GULP1: variants seen among roughly 807,000 people sequenced by gnomAD.
GULP1 encodes PTB domain-containing engulfment adapter protein 1.
A neutral mutation model predicts 40.9 loss-of-function variants in GULP1; 19 were observed. The observed-to-expected ratio is 0.46, with a 90% CI of 0.32 to 0.68. The LOEUF (loss-of-function observed/expected upper bound fraction) is 0.68. Among genes scored for constraint, GULP1 ranks in the 30% least tolerant of loss-of-function variants. The pLI, the probability that GULP1 is intolerant of heterozygous loss-of-function variation, is 0.03. For missense variants in GULP1, 312 were observed against 362.2 expected (o/e 0.86, Z 1.12); for synonymous variants, 119 against 117.6 (o/e 1.01, Z -0.08).
chr2:188,312,538 A>G (rs1330903367), intron 1 of GULP1, among the ~76,000 whole-genome samples: 3 of 152,166 alleles, frequency 2.0e-5, no homozygotes, highest in Admixed American at 2.0e-4. Flanking sequence ...TTCTTTATCC[A>G]GTCTATCATT....
rs146739215 is a variant in GULP1 at position 188,532,719 on chromosome 2, C to T, written c.261+3524C>T. On this transcript the variant is annotated intron_variant, in intron 6 of 11. Transcript: ENST00000409830. Reference sequence around the variant, plus strand: ...AATCATGAGGTCAGCAGTTTGAGACCAGCCTGGCCAACATGATGAAACCCT... The same window carrying T: ...AATCATGAGGTCAGCAGTTTGAGACTAGCCTGGCCAACATGATGAAACCCT... Among the ~76,000 whole-genome samples, 599 of 147,870 alleles carry T rather than the reference C, an allele frequency of 4.1e-3. 5 individuals are homozygous for T. Among genetic ancestry groups the T allele is most frequent in the African/African-American group, 0.014 (565 of 40,086 alleles).
chr2:188,498,018 C>G (rs2063068627), intron 4 of GULP1, among the ~76,000 whole-genome samples: 1 of 151,888 alleles, frequency 6.6e-6, no homozygotes, highest in Admixed American at 6.6e-5. Context: ...ATCCATATAG[C>G]TGGCTTACTA....
intron 1 of GULP1, among the ~76,000 whole-genome samples, chr2:188,307,305 G>A (rs1459673742): frequency 6.6e-6 from 1 of 152,072 alleles, no homozygotes. Flanking sequence ...ACTTACAAAA[G>A]ATAAAAATTA....
At chr2:188,373,477 G>A (rs531909045) in intron 1 of GULP1, among the ~76,000 whole-genome samples, 1 of 151,878 alleles carries the variant, frequency 6.6e-6, no homozygotes, top group South Asian at 2.1e-4. Context: ...TATATCTTAA[G>A]TTTCTTATAA....
intron 1 of GULP1, among the ~76,000 whole-genome samples, chr2:188,314,372 G>A (rs770138175): frequency 5.9e-5 from 9 of 152,034 alleles, no homozygotes; most frequent in Non-Finnish European, 7.4e-5. Context: ...TTGTTATCCT[G>A]TAAAGTGAAA....
intron 2 of GULP1, among the ~76,000 whole-genome samples, chr2:188,448,197 T>C (rs1326595836): frequency 3.3e-5 from 5 of 152,188 alleles, no homozygotes; most frequent in African/African-American, 1.2e-4. Flanking sequence ...ACATAGATAA[T>C]AGACAACAAG....
At chr2:188,302,675 T>C (rs2106117365) in intron 1 of GULP1, among the ~76,000 whole-genome samples, 1 of 152,342 alleles carries the variant, frequency 6.6e-6, no homozygotes, top group East Asian at 1.9e-4. Flanking sequence ...CTGGTCAGGC[T>C]CTTGTGCGTC....
chr2:188,536,274 T>C (rs1031601380), intron 6 of GULP1, among the ~76,000 whole-genome samples: 3 of 152,240 alleles, frequency 2.0e-5, no homozygotes, highest in Admixed American at 2.0e-4. Context: ...CCAAAGCTGA[T>C]GTCAAGAAGG....
At chr2:188,520,629 A>AAAG (rs1400046646) in intron 4 of GULP1, among the ~76,000 whole-genome samples, 2 of 151,424 alleles carry the variant, frequency 1.3e-5, no homozygotes, top group Non-Finnish European at 2.9e-5. Context: ...TCTAGCCTCC[A>AAAG]TTTGTTCATC....
rs575081632 is a variant in GULP1, at chr2:188,352,489, G to A, written c.-171-31274G>A. ...CTGAAACTACGCCAGGTTGTTGACT[G>A]TAGATCTTGGCATTTCTTAGCTTCC... is the stretch of plus-strand genomic sequence containing the variant. On this transcript the variant is annotated intron_variant, in intron 1 of 11. Coordinates refer to ENST00000409830, the MANE Select transcript of GULP1 (RefSeq NM_016315.4). Among the ~76,000 whole-genome samples the A allele has an allele frequency of 5.3e-5, 8 of 152,148 alleles. No homozygotes were observed. The South Asian group carries it at 1.7e-3, about 32-fold the overall frequency.
intron 7 of GULP1, among the ~76,000 whole-genome samples, chr2:188,553,803 GT>G (rs945758094): frequency 1.3e-5 from 2 of 151,956 alleles, no homozygotes; most frequent in Non-Finnish European, 2.9e-5. Context: ...TGTTGAGACA[GT>G]TTTTATTACT....
intron 3 of GULP1, 108 bp from the exon 4 acceptor site, chr2:188,483,323 A>G (rs891698309): frequency 1.2e-5 from 6 of 488,476 alleles, no homozygotes; most frequent in African/African-American, 9.9e-5. Context: ...TTGGCAAAGA[A>G]TCTCAGAATT....
intron 6 of GULP1, among the ~76,000 whole-genome samples, chr2:188,531,365 A>G (rs901255031): frequency 6.6e-6 from 1 of 152,208 alleles, no homozygotes; most frequent in Non-Finnish European, 1.5e-5. Context: ...TAAGGCCCCA[A>G]ATTTGCCCCC....
intron 7 of GULP1, among the ~76,000 whole-genome samples, chr2:188,566,431 TATG>T (rs936511018): frequency 9.2e-5 from 14 of 152,038 alleles, no homozygotes; most frequent in African/African-American, 3.4e-4. Flanking sequence ...AAATAAATAA[TATG>T]AGGCCAAATG....
intron 2 of GULP1, among the ~76,000 whole-genome samples, chr2:188,408,472 A>C (rs1292425924): frequency 2.0e-5 from 3 of 152,148 alleles, no homozygotes; most frequent in Admixed American, 6.6e-5. Flanking sequence ...AAGATGTAAA[A>C]TTTTTAAGTA....
intron 2 of GULP1, among the ~76,000 whole-genome samples, chr2:188,456,332 T>C (rs1426522801): frequency 6.6e-6 from 1 of 151,898 alleles, no homozygotes; most frequent in East Asian, 1.9e-4. Context: ...GGAAGAAAAA[T>C]CGGTTTTCTG....
chr2:188,319,325 C>T (rs4667219), intron 1 of GULP1, among the ~76,000 whole-genome samples: 23,025 of 152,088 alleles, frequency 0.15, 1,903 homozygotes, highest in African/African-American at 0.17. Context: ...CTTACACCCA[C>T]GTCCCTCAGA....
chr2:188,453,392 A>C (rs1322187290), intron 2 of GULP1, among the ~76,000 whole-genome samples: 1 of 152,032 alleles, frequency 6.6e-6, no homozygotes, highest in Admixed American at 6.6e-5. Context: ...TGCCCCCTTT[A>C]GGCCTTCATG....
At chr2:188,437,291 T>G (rs1428588915) in intron 2 of GULP1, among the ~76,000 whole-genome samples, 1 of 152,056 alleles carries the variant, frequency 6.6e-6, no homozygotes, top group East Asian at 1.9e-4. Flanking sequence ...TCTTTAAAAT[T>G]CAGAGCCCAA....
Sources: allele counts gnomAD v4.1 joint callset (sites outside exome capture counted in the v4.1 genomes callset), GRCh38; gene constraint gnomAD v4.1.1; transcripts MANE v1.5; gene names NCBI Gene and HGNC (gene_info 2026-07-23, HGNC 2026-07-21).